Variants in SGCD observed in about 807,000 individuals in gnomAD.
The protein encoded by SGCD is delta-sarcoglycan.
A neutral mutation model predicts 36.6 loss-of-function variants in SGCD; 18 were observed. That is an observed-to-expected ratio of 0.49 (90% CI 0.34 to 0.73). The LOEUF (loss-of-function observed/expected upper bound fraction) is 0.73. Ranked by LOEUF, SGCD falls within the 30% of genes least tolerant of loss-of-function variation. The pLI is 0.01. For missense variants in SGCD, 387 were observed against 346.7 expected (o/e 1.12, Z -0.92); for synonymous variants, 133 against 130.6 (o/e 1.02, Z -0.12).
chr5:156,145,897 G>C (rs1244831391), intron 3 of SGCD, among the ~76,000 whole-genome samples: 1 of 152,106 alleles, frequency 6.6e-6, no homozygotes, highest in Non-Finnish European at 1.5e-5. Context: ...CCATAACTTT[G>C]AGCAACAGAT....
intron 3 of SGCD, among the ~76,000 whole-genome samples, chr5:156,414,687 T>C (rs1772936571): frequency 6.6e-6 from 1 of 152,220 alleles, no homozygotes; most frequent in South Asian, 2.1e-4. Context: ...GCTCACAGGC[T>C]GTACTTTGCA....
intron 1 of SGCD, among the ~76,000 whole-genome samples, chr5:155,995,681 A>G: frequency 6.6e-6 from 1 of 152,234 alleles, no homozygotes; most frequent in East Asian, 1.9e-4. Context: ...AATACTACTC[A>G]GCAATACACA....
intron 1 of SGCD, among the ~76,000 whole-genome samples, chr5:156,113,967 T>C (rs80221183): frequency 0.012 from 1,849 of 152,106 alleles, 30 homozygotes; most frequent in African/African-American, 0.043. Context: ...GAAAAAAACT[T>C]TGGAGATGGT....
In SGCD at chr5:156,505,780, A is replaced by AAC. The variant is rs56290159; in HGVS notation, c.193-2798_193-2797dup. 9.5e-3 allele frequency among the ~76,000 whole-genome samples: 1,433 copies of AAC among 150,244 alleles called. 18 individuals carry two copies. Among genetic ancestry groups the AAC allele is most frequent in the African/African-American group, 0.026 (1,046 of 40,702 alleles). Reference sequence around the variant, plus strand: ...TCATAGTGTGTGTGTATATACACCAAACACACACACACACACACACACACC... The same window carrying AAC: ...TCATAGTGTGTGTGTATATACACCAAACACACACACACACACACACACACACC... On this transcript the variant is annotated intron_variant, in intron 3 of 8. Transcript: ENST00000337851.
At chr5:156,248,585 A>G (rs1454648675) in intron 3 of SGCD, among the ~76,000 whole-genome samples, 1 of 152,016 alleles carries the variant, frequency 6.6e-6, no homozygotes, top group Non-Finnish European at 1.5e-5. Context: ...TGCAAGGGGA[A>G]CCTCAAAAGA....
intron 3 of SGCD, among the ~76,000 whole-genome samples, chr5:156,166,191 C>T (rs1339278931): frequency 6.6e-6 from 1 of 152,102 alleles, no homozygotes; most frequent in Non-Finnish European, 1.5e-5. Flanking sequence ...TGGTGAAGTA[C>T]ATCACTTTGA....
At chr5:156,744,089 T>A (rs1272544544) in intron 7 of SGCD, among the ~76,000 whole-genome samples, 1 of 152,234 alleles carries the variant, frequency 6.6e-6, no homozygotes, top group Non-Finnish European at 1.5e-5. Context: ...TTCTGGAGGC[T>A]GAGGCAAGAT....
the SGCD span, among the ~76,000 whole-genome samples, chr5:155,737,510 G>A: frequency 1.3e-5 from 2 of 152,264 alleles, no homozygotes; most frequent in South Asian, 4.1e-4. Context: ...TCATGCTATG[G>A]CACTCAGAAT....
chr5:156,215,090 T>A (rs1026688978), intron 3 of SGCD, among the ~76,000 whole-genome samples: 1 of 152,106 alleles, frequency 6.6e-6, no homozygotes, highest in Non-Finnish European at 1.5e-5. Context: ...AAATGCTCAT[T>A]GGAATATTTT....
intron 3 of SGCD, among the ~76,000 whole-genome samples, chr5:156,221,100 T>C (rs1764706514): frequency 6.6e-6 from 1 of 152,116 alleles, no homozygotes; most frequent in South Asian, 2.1e-4. Context: ...AATATCATAA[T>C]ATAATGCTGT....
chr5:156,163,329 C>T (rs188397297), intron 3 of SGCD, among the ~76,000 whole-genome samples: 1 of 151,410 alleles, frequency 6.6e-6, no homozygotes, highest in African/African-American at 2.4e-5. Flanking sequence ...TTTGAGGAAC[C>T]CTGTCAGAGT....
intron 3 of SGCD, among the ~76,000 whole-genome samples, chr5:156,199,524 G>A (rs975288996): frequency 2.6e-5 from 4 of 152,088 alleles, no homozygotes; most frequent in Non-Finnish European, 5.9e-5. Context: ...GGTAGTAGAA[G>A]CAGTACAGAA....
chr5:156,076,080 A>G (rs1760777201), intron 1 of SGCD, among the ~76,000 whole-genome samples: 1 of 152,070 alleles, frequency 6.6e-6, no homozygotes, highest in Non-Finnish European at 1.5e-5. Context: ...GAATGAGATC[A>G]CAGAATGAGA....
chr5:156,453,139 A>G (rs1754097523), intron 3 of SGCD, among the ~76,000 whole-genome samples: 2 of 152,216 alleles, frequency 1.3e-5, no homozygotes, highest in Non-Finnish European at 2.9e-5. Flanking sequence ...ACTGTGATGT[A>G]TGAAGGAAGG....
the SGCD span, among the ~76,000 whole-genome samples, chr5:155,832,110 A>G: frequency 7.8e-4 from 119 of 152,298 alleles, no homozygotes; most frequent in African/African-American, 2.5e-3. Flanking sequence ...GATATAGTCA[A>G]TTCTTCAGTT....
At chr5:155,778,698 A>T in the SGCD span, among the ~76,000 whole-genome samples, 1 of 152,206 alleles carries the variant, frequency 6.6e-6, no homozygotes, top group African/African-American at 2.4e-5. Context: ...GTATATTCTA[A>T]AATTGCTTTT....
At chr5:156,610,600 T>C (rs1193373025) in intron 6 of SGCD, among the ~76,000 whole-genome samples, 1 of 152,222 alleles carries the variant, frequency 6.6e-6, no homozygotes, top group Non-Finnish European at 1.5e-5. Context: ...TTTGCGGAGG[T>C]TTCTGCTGCC....
At chr5:156,303,363 C>T (rs1767108488) in intron 3 of SGCD, among the ~76,000 whole-genome samples, 1 of 152,044 alleles carries the variant, frequency 6.6e-6, no homozygotes, top group African/African-American at 2.4e-5. Flanking sequence ...TGGGTCTCTC[C>T]CTTCAAGGAA....
intron 1 of SGCD, among the ~76,000 whole-genome samples, chr5:156,328,486 A>G (rs1767916459): frequency 6.6e-6 from 1 of 152,210 alleles, no homozygotes; most frequent in Admixed American, 6.5e-5. Context: ...TGTGTCCTAC[A>G]ATCTTTAAAC....
Sources: gnomAD v4.1 joint callset for allele counts (sites outside exome capture counted in the v4.1 genomes callset) on GRCh38, gnomAD v4.1.1 for gene constraint, MANE v1.5 for transcripts, NCBI Gene and HGNC (gene_info 2026-07-23, HGNC 2026-07-21) for gene names.